The following FIGNL2 variants were observed in gnomAD, a reference collection of about 807,000 sequenced individuals.
FIGNL2 encodes fidgetin-like protein 2.
For missense variants in FIGNL2, 1,060 were observed against 950.2 expected (o/e 1.12, Z -1.52); for synonymous variants, 565 against 484.0 (o/e 1.17, Z -2.20).
chr12:51,832,553 C>G (rs552783766), intron 1 of FIGNL2, among the ~76,000 whole-genome samples: 5 of 152,010 alleles, frequency 3.3e-5, no homozygotes, highest in Admixed American at 1.3e-4. Flanking sequence ...CCCCTGCTGC[C>G]GTCCCCTCCA....
intron 1 of FIGNL2, chr12:51,845,543 C>T: frequency 1.0e-6 from 1 of 985,460 alleles, no homozygotes; most frequent in South Asian, 4.7e-5. Context: ...GTCCACATCT[C>T]CCTGCTGCAG....
chr12:51,833,718 G>A (rs561945489), intron 1 of FIGNL2, among the ~76,000 whole-genome samples: 2 of 152,316 alleles, frequency 1.3e-5, no homozygotes, highest in South Asian at 2.1e-4. Flanking sequence ...CTTAGCCGTT[G>A]CCTCGGCAGA....
intron 1 of FIGNL2, chr12:51,848,140 G>A (rs950643303): frequency 5.1e-6 from 5 of 985,096 alleles, no homozygotes; most frequent in Non-Finnish European, 6.0e-6. Flanking sequence ...AGGGGCCTGC[G>A]GGCCGGCCCT....
chr12:51,843,169 C>T (rs1008011589), intron 1 of FIGNL2, among the ~76,000 whole-genome samples: 14 of 152,142 alleles, frequency 9.2e-5, no homozygotes, highest in Admixed American at 3.3e-4. Flanking sequence ...TGGCTGGACA[C>T]CCGCGGGAGC....
chr12:51,847,155 G>C, intron 1 of FIGNL2: 1 of 985,428 alleles, frequency 1.0e-6, no homozygotes, highest in Non-Finnish European at 1.2e-6. Context: ...AATGGCGTCG[G>C]TTCCGGACTG....
At chr12:51,826,636 A>G (rs1297120906) in intron 1 of FIGNL2, among the ~76,000 whole-genome samples, 6 of 46,786 alleles carry the variant, frequency 1.3e-4, no homozygotes, top group Non-Finnish European at 2.1e-4. Flanking sequence ...CGAAACTCCC[A>G]TCTCAAAAAA....
Position 51,821,596 on chromosome 12 carries a change from C to A in FIGNL2, c.818G>T (p.Gly273Val). 3 of 1,507,868 alleles carry A rather than the reference C, an allele frequency of 2.0e-6. No homozygotes were observed. Among genetic ancestry groups the A allele is most frequent in the Non-Finnish European group, 2.6e-6 (3 of 1,134,318 alleles). The allele number at this position is 1,507,868 out of a possible 1,614,324, so 93.4% of individuals were successfully genotyped here. A position where few individuals can be genotyped will look rare whatever the true frequency, so the allele number is the denominator to read the frequency against. The change falls in exon 2 of 2, where the codon GGG becomes GTG. Residue 273 changes from glycine (G) to valine (V), a missense_variant. Transcript: ENST00000618634. ...LSLKRKAADEGPEGRYRKYAY... is the reference protein window; with the variant it reads ...LSLKRKAADEVPEGRYRKYAY... Reference sequence around the variant, plus strand: ...GTACTTGCGGTAGCGGCCCTCGGGCCCCTCGTCGGCGGCCTTGCGCTTCAG... The same window carrying A: ...GTACTTGCGGTAGCGGCCCTCGGGCACCTCGTCGGCGGCCTTGCGCTTCAG...
intron 1 of FIGNL2, chr12:51,844,935 G>A (rs1469753836): frequency 1.1e-6 from 1 of 942,882 alleles, no homozygotes; most frequent in Non-Finnish European, 1.3e-6. Flanking sequence ...GGGAGGTCAG[G>A]AAACCCAGGC....
intron 1 of FIGNL2, chr12:51,824,479 C>G (rs1018572916): frequency 3.9e-5 from 6 of 152,174 alleles, no homozygotes; most frequent in African/African-American, 1.2e-4. Context: ...CTAGGGAAGG[C>G]ATGAGCCATA....
chr12:51,829,564 A>T (rs760008925), intron 1 of FIGNL2, among the ~76,000 whole-genome samples: 1 of 152,078 alleles, frequency 6.6e-6, no homozygotes, highest in Non-Finnish European at 1.5e-5. Flanking sequence ...GGCTCAACAC[A>T]TGTTTAGGGA....
intron 1 of FIGNL2, 75 bp downstream of exon 1, chr12:51,848,465 C>A: frequency 1.0e-6 from 1 of 981,944 alleles, no homozygotes; most frequent in African/African-American, 1.7e-5. Context: ...CCCGGGCCGG[C>A]GGACAAAGCT....
chr12:51,845,037 C>A, intron 1 of FIGNL2: 1 of 225,694 alleles, frequency 4.4e-6, no homozygotes, highest in Non-Finnish European at 7.4e-6. Flanking sequence ...TCAGGGGATC[C>A]AAGAATCCTC....
In FIGNL2 at chr12:51,820,914, C is replaced by A; in HGVS notation, c.1500G>T (p.Arg500=). 1 of 1,329,820 alleles carries A rather than the reference C, an allele frequency of 7.5e-7. No homozygotes were observed. Among genetic ancestry groups the A allele is most frequent in the Admixed American group, 4.1e-5 (1 of 24,218 alleles). 82.4% of individuals were successfully genotyped at this position (1,329,820 alleles called of 1,614,324 possible). The stretch of plus-strand genomic sequence containing the variant: ...CGCCCCCTGCCGCCGCGCCGTCGTC[C>A]CGGGCGGGGAGCAGCGCCTCTAGCT... ...ISELEALLPA[R]DDGAAAGGAL... Residue 500 remains arginine (R), a synonymous_variant, in exon 2 of 2, where the codon CGG becomes CGT. Coordinates refer to ENST00000618634, the MANE Select transcript of FIGNL2 (RefSeq NM_001384995.1).
intron 1 of FIGNL2, chr12:51,845,780 G>A (rs1218328353): frequency 2.6e-5 from 12 of 461,096 alleles, no homozygotes; most frequent in Non-Finnish European, 3.4e-5. Flanking sequence ...GAGCTTGGGG[G>A]GAGAGTCGGG....
At chr12:51,836,896 C>T (rs1592193625) in intron 1 of FIGNL2, among the ~76,000 whole-genome samples, 1 of 152,096 alleles carries the variant, frequency 6.6e-6, no homozygotes, top group Non-Finnish European at 1.5e-5. Context: ...GCGCACATGC[C>T]GGTGGGTGGG....
intron 1 of FIGNL2, among the ~76,000 whole-genome samples, chr12:51,833,254 G>A (rs1939505854): frequency 6.6e-6 from 1 of 152,052 alleles, no homozygotes; most frequent in Non-Finnish European, 1.5e-5. Flanking sequence ...GGGTCTCACT[G>A]TGTTGTCCAG....
rs1379114105 is a variant in FIGNL2 at position 51,832,940 on chromosome 12, T to C, written c.-11-10516A>G. ...GCTCAAGCCAGAAACCTTGCGGTCA[T>C]CCTTAACTTCTCTTTCACTCTTCAG... is the stretch of plus-strand genomic sequence containing the variant. On this transcript the variant is annotated intron_variant, in intron 1 of 1. Coordinates refer to ENST00000618634, the MANE Select transcript of FIGNL2 (RefSeq NM_001384995.1). Among the ~76,000 whole-genome samples, 3 of 152,302 alleles carry C rather than the reference T, an allele frequency of 2.0e-5. No homozygotes were observed. The East Asian group carries it at 5.8e-4, about 29-fold the overall frequency.
chr12:51,821,652 C>T lies in FIGNL2; in HGVS notation c.762G>A (p.Thr254=), dbSNP rs750861562. 6 of 1,461,666 alleles carry T rather than the reference C, an allele frequency of 4.1e-6. No homozygotes were observed. The highest frequency in any genetic ancestry group is 2.3e-4 in the Middle Eastern group (1 of 4,302). 90.5% of individuals were successfully genotyped at this position (1,461,666 alleles called of 1,614,324 possible). A position where few individuals can be genotyped will look rare whatever the true frequency, so the allele number is the denominator to read the frequency against. ...PAPPTAYGFP[T]AAPGAESGLS... ...GCCCGGATTCGGCACCCGGCGCGGC[C>T]GTGGGGAAGCCATAGGCGGTGGGCG... Residue 254 remains threonine (T), a synonymous_variant, in exon 2 of 2, where the codon ACG becomes ACA. Transcript: ENST00000618634.
Position 51,820,465 on chromosome 12 carries a change from C to T in FIGNL2, c.1949G>A (p.Gly650Asp). The change falls in exon 2 of 2, where the codon GGC becomes GAC. Residue 650 changes from glycine (G) to aspartate (D), a missense_variant. Physicochemically the swap from Gly to Asp is moderately conservative, Grantham distance 94. Coordinates refer to ENST00000618634, the MANE Select transcript of FIGNL2 (RefSeq NM_001384995.1). ...CCCCGCGCGCCGTCAGTGTCCGGAG[C>T]CGTACATTTTGTCCCACTCCACGAA... ...DSFVEWDKMY[G>D]SGH is the part of the protein sequence containing the mutation. The T allele has an allele frequency of 6.3e-7, 1 of 1,590,270 alleles. No homozygotes were observed. Among genetic ancestry groups the T allele is most frequent in the Non-Finnish European group, 8.5e-7 (1 of 1,175,982 alleles).
Sources: gnomAD v4.1 joint callset for allele counts (sites outside exome capture counted in the v4.1 genomes callset) on GRCh38, gnomAD v4.1.1 for gene constraint, MANE v1.5 for transcripts, NCBI Gene and HGNC (gene_info 2026-07-23, HGNC 2026-07-21) for gene names.